The following WWC1 variants were observed in gnomAD, a reference collection of about 807,000 sequenced individuals.
WWC1 encodes protein KIBRA.
Under a neutral mutation model 138.4 loss-of-function variants are expected in WWC1, and 55 were observed. That is an observed-to-expected ratio of 0.40 (90% CI 0.32 to 0.50). WWC1 has a LOEUF of 0.50. Ranked by LOEUF, WWC1 falls within the 20% of genes least tolerant of loss-of-function variation. The pLI is 0.72. For synonymous variants in WWC1, 524 were observed against 564.9 expected (o/e 0.93, Z 1.03); for missense variants, 1,226 against 1,420.4 (o/e 0.86, Z 2.20).
chr5:168,403,618 C>G (rs1779555093), intron 5 of WWC1, among the ~76,000 whole-genome samples: 1 of 152,188 alleles, frequency 6.6e-6, no homozygotes, highest in Non-Finnish European at 1.5e-5. Context: ...AAGCTTGGGA[C>G]TTTGACTTGC....
At chr5:168,404,200 C>A (rs1164956000) in intron 5 of WWC1, among the ~76,000 whole-genome samples, 1 of 152,226 alleles carries the variant, frequency 6.6e-6, no homozygotes, top group Non-Finnish European at 1.5e-5. Flanking sequence ...TCCCCAGAGT[C>A]CCCAGCCCTC....
At chr5:168,295,804 A>G (rs1769487969) in intron 1 of WWC1, among the ~76,000 whole-genome samples, 1 of 152,178 alleles carries the variant, frequency 6.6e-6, no homozygotes, top group Non-Finnish European at 1.5e-5. Flanking sequence ...CCAAGCAGCC[A>G]GCCTTGCCAA....
chr5:168,305,016 G>A (rs1017521437), intron 1 of WWC1, among the ~76,000 whole-genome samples: 3 of 151,904 alleles, frequency 2.0e-5, no homozygotes, highest in Non-Finnish European at 2.9e-5. Flanking sequence ...GTAGAGACAG[G>A]GTTTCTCCAT....
At chr5:168,383,210 A>G (rs1394292678) in intron 2 of WWC1, among the ~76,000 whole-genome samples, 3 of 152,014 alleles carry the variant, frequency 2.0e-5, no homozygotes, top group African/African-American at 7.2e-5. Context: ...AGAAAAAAGA[A>G]AAAGAAAACA....
chr5:168,352,133 T>TTAACAC (rs1775014983), intron 1 of WWC1, among the ~76,000 whole-genome samples: 1 of 152,182 alleles, frequency 6.6e-6, no homozygotes, highest in Non-Finnish European at 1.5e-5. Context: ...TCAATTAACA[T>TTAACAC]TAACACGCAC....
intron 4 of WWC1, among the ~76,000 whole-genome samples, chr5:168,399,179 C>A (rs1779129563): frequency 6.6e-6 from 1 of 151,968 alleles, no homozygotes; most frequent in Admixed American, 6.5e-5. Context: ...AGAGTTCACA[C>A]AGCGAGGAAG....
chr5:168,398,422 G>A (rs546208558), intron 4 of WWC1, among the ~76,000 whole-genome samples: 4 of 152,292 alleles, frequency 2.6e-5, no homozygotes, highest in African/African-American at 9.6e-5. Context: ...TTAAAGATGA[G>A]CAAACAGAGG....
chr5:168,329,966 C>T (rs1401977065), intron 1 of WWC1, among the ~76,000 whole-genome samples: 2 of 151,768 alleles, frequency 1.3e-5, no homozygotes, highest in African/African-American at 2.4e-5. Context: ...AAAAATTAGC[C>T]GGGCGTGGTG....
intron 8 of WWC1, chr5:168,411,809 A>G: frequency 4.1e-6 from 1 of 241,166 alleles, no homozygotes; most frequent in Non-Finnish European, 6.7e-6. Context: ...GGGGTGGGCA[A>G]AATTAGGATT....
intron 1 of WWC1, among the ~76,000 whole-genome samples, chr5:168,312,047 T>TA (rs1310525136): frequency 4.8e-4 from 63 of 131,206 alleles, no homozygotes; most frequent in East Asian, 4.4e-3. Flanking sequence ...AGACTCAGTC[T>TA]AAAAAAAAAA....
In WWC1 at chr5:168,467,695, A is replaced by G. The variant is rs188272441; in HGVS notation, c.3151-145A>G. 5,725 of 1,196,682 alleles carry G rather than the reference A, an allele frequency of 4.8e-3. 26 individuals are homozygous for G. The highest frequency in any genetic ancestry group is 6.1e-3 in the Non-Finnish European group (5,315 of 869,862). 74.1% of individuals were successfully genotyped at this position (1,196,682 alleles called of 1,614,324 possible). ...ACAGATGATTTGAGCACTTCCCATT[A>G]TCGTTCTGAATGAAGTGGATCCCAC... is the stretch of plus-strand genomic sequence containing the variant. On this transcript the variant is annotated intron_variant, in intron 21 of 22. Transcript: ENST00000265293.
chr5:168,397,814 A>G lies in WWC1; in HGVS notation c.510+14A>G, dbSNP rs1014131842. On this transcript the variant is annotated intron_variant, in intron 4 of 22. Transcript: ENST00000265293. Reference sequence around the variant, plus strand: ...GCAAAATCCCGGGTAGGACCTCTTCACCTATGCTATGTGCTAGTGATTGGG... The same window carrying G: ...GCAAAATCCCGGGTAGGACCTCTTCGCCTATGCTATGTGCTAGTGATTGGG... 1.2e-6 allele frequency: 2 copies of G among 1,613,714 alleles called. No homozygotes were observed. Among genetic ancestry groups the G allele is most frequent in the African/African-American group, 2.7e-5 (2 of 74,886 alleles).
At chr5:168,325,751 A>G (rs1359372747) in intron 1 of WWC1, among the ~76,000 whole-genome samples, 4 of 152,188 alleles carry the variant, frequency 2.6e-5, no homozygotes, top group Non-Finnish European at 5.9e-5. Context: ...CACCATCACC[A>G]CCATCCATCT....
intron 1 of WWC1, among the ~76,000 whole-genome samples, chr5:168,369,073 G>A (rs1776537994): frequency 6.6e-6 from 1 of 152,204 alleles, no homozygotes; most frequent in Admixed American, 6.6e-5. Context: ...CCCTGCAGGG[G>A]CCCTAGAGAC....
rs367925918 is a variant in WWC1, at chr5:168,319,944, A to T, written c.119+27673A>T. 5.9e-5 allele frequency among the ~76,000 whole-genome samples: 9 copies of T among 152,184 alleles called. 1 individual carries two copies. The highest frequency in any genetic ancestry group is 3.4e-3 in the Middle Eastern group (1 of 294). Reference sequence around the variant, plus strand: ...GTTTTATTTTTATTTTTTTAATAGTAGCCAACCTAATGGGTATGAAGTGGT... The same window carrying T: ...GTTTTATTTTTATTTTTTTAATAGTTGCCAACCTAATGGGTATGAAGTGGT... On this transcript the variant is annotated intron_variant, in intron 1 of 22. Transcript: ENST00000265293.
At chr5:168,317,947 G>GA (rs1771744138) in intron 1 of WWC1, among the ~76,000 whole-genome samples, 1 of 152,296 alleles carries the variant, frequency 6.6e-6, no homozygotes, top group East Asian at 1.9e-4. Flanking sequence ...TCACAGATAG[G>GA]AATGCAGTGC....
intron 1 of WWC1, among the ~76,000 whole-genome samples, chr5:168,354,307 TC>T (rs1775229485): frequency 6.6e-6 from 1 of 152,160 alleles, no homozygotes; most frequent in South Asian, 2.1e-4. Flanking sequence ...CCCCTCGGCC[TC>T]CCAAAGTGCT....
At chr5:168,421,966 C>T in intron 9 of WWC1, 42 bp from the exon 10 acceptor site, 1 of 1,561,876 alleles carries the variant, frequency 6.4e-7, no homozygotes, top group South Asian at 1.1e-5. Flanking sequence ...CATGCCTGTG[C>T]TTCCTTTTGG....
intron 2 of WWC1, among the ~76,000 whole-genome samples, chr5:168,380,839 G>A (rs1183325092): frequency 6.6e-6 from 1 of 152,150 alleles, no homozygotes; most frequent in Non-Finnish European, 1.5e-5. Context: ...AACAGATACA[G>A]CAATAGGAAT....
Sources: gnomAD v4.1 joint callset for allele counts (sites outside exome capture counted in the v4.1 genomes callset) on GRCh38, gnomAD v4.1.1 for gene constraint, MANE v1.5 for transcripts, NCBI Gene and HGNC (gene_info 2026-07-23, HGNC 2026-07-21) for gene names.